BIN1: variants seen among roughly 807,000 people sequenced by gnomAD.
BIN1 encodes the protein bridging integrator 1, also known as myc box-dependent-interacting protein 1.
Under a neutral mutation model 82.0 loss-of-function variants are expected in BIN1, and 53 were observed. The observed-to-expected ratio is 0.65, with a 90% confidence interval of 0.52 to 0.81. The LOEUF is 0.81. Ranked by LOEUF, BIN1 falls within the 40% of genes least tolerant of loss-of-function variation. BIN1 has a pLI of 0.00. For synonymous variants in BIN1, 302 were observed against 328.0 expected, an observed-to-expected ratio of 0.92 and a Z score of 0.86; for missense variants, 642 against 784.4, an observed-to-expected ratio of 0.82 and a Z score of 2.17.
chr2:127,050,249 GGAGA>G (rs1356721659), intron 18 of BIN1, 168 bp downstream of exon 18: 1 of 677,554 alleles, frequency 1.5e-6, no homozygotes, highest in Non-Finnish European at 2.7e-6. Flanking sequence ...GAGAGGAGAG[GGAGA>G]GAGGAAAAAG....
chr2:127,060,480 T>G lies in BIN1; in HGVS notation c.858-1325A>C, dbSNP rs1684294100. Reference sequence around the variant, plus strand: ...ACACGACAGCCCTGCCGGGCAGCACTGCACACAGAGCCAGATTACGGGTTA... The same window carrying G: ...ACACGACAGCCCTGCCGGGCAGCACGGCACACAGAGCCAGATTACGGGTTA... On this transcript the variant is annotated intron_variant, in intron 10 of 18. Coordinates refer to ENST00000316724, the MANE Select transcript of BIN1 (RefSeq NM_139343.3). 2.7e-6 allele frequency: 4 copies of G among 1,495,612 alleles called. No homozygotes were observed. The African/African-American group carries it at 4.1e-5, about 15-fold the overall frequency. 92.6% of individuals were successfully genotyped at this position (1,495,612 alleles called of 1,614,324 possible).
In BIN1 at chr2:127,067,006, G is replaced by A. The variant is rs574835804; in HGVS notation, c.612+1157C>T. On this transcript the variant is annotated intron_variant, in intron 7 of 18. Coordinates refer to ENST00000316724, the MANE Select transcript of BIN1 (RefSeq NM_139343.3). The surrounding 1 kb of genome is among the most constrained non-coding windows in gnomAD (Gnocchi z 4.7). Reference sequence around the variant, plus strand: ...GGATTGCTTGAGTTGGGGAAGTCAAGGCTGCAGTGAGTCATGATCACACCA... The same window carrying A: ...GGATTGCTTGAGTTGGGGAAGTCAAAGCTGCAGTGAGTCATGATCACACCA... Among the ~76,000 whole-genome samples, 3 of 151,716 alleles carry A rather than the reference G, an allele frequency of 2.0e-5. No homozygotes were observed. In the East Asian group the frequency reaches 5.8e-4, roughly 29 times the overall value.
chr2:127,052,541 G>C, intron 14 of BIN1, 179 bp from the exon 15 acceptor site: 1 of 614,624 alleles, frequency 1.6e-6, no homozygotes. Context: ...TCCTACCACT[G>C]TCAAAGGGAC....
chr2:127,059,077 G>A lies in BIN1; in HGVS notation c.936C>T (p.Val312=), dbSNP rs1008858026. ...GSPAATPEIR[V]NHEPEPAGGA... ...CGCCGGCCGGCTCTGGCTCGTGGTTGACTCTGATCTCGGGGGTGGCGGCAG... is the reference window on the plus strand; with the variant it reads ...CGCCGGCCGGCTCTGGCTCGTGGTTAACTCTGATCTCGGGGGTGGCGGCAG... The change falls in exon 11 of 19, where the codon GTC becomes GTT. Residue 312 remains valine, a synonymous_variant. Transcript: ENST00000316724. The surrounding 1 kb of genome is among the most constrained non-coding windows in gnomAD (Gnocchi z 6.7). The A allele has an allele frequency of 7.5e-6, 12 of 1,589,880 alleles. No individual in the cohort carries two copies. In the East Asian group the frequency reaches 2.7e-4, roughly 36 times the overall value.
Position 127,060,713 on chromosome 2 carries a change from C to A in BIN1, c.857+1402G>T, listed in dbSNP as rs376372459. ...AGGTGCAGAACTGGCCTGTCCCCTTCCCTCTTTGCCAACCCTTCTGCTCAG... is the reference window on the plus strand; with the variant it reads ...AGGTGCAGAACTGGCCTGTCCCCTTACCTCTTTGCCAACCCTTCTGCTCAG... On this transcript the variant is annotated intron_variant, in intron 10 of 18. Transcript: ENST00000316724. 105 of 1,580,422 alleles carry A rather than the reference C, an allele frequency of 6.6e-5. No homozygotes were observed. The South Asian group carries it at 1.0e-3, about 16-fold the overall frequency.
chr2:127,083,848 G>A (rs947061655), intron 1 of BIN1, among the ~76,000 whole-genome samples: 2 of 152,134 alleles, frequency 1.3e-5, no homozygotes, highest in Non-Finnish European at 2.9e-5. Context: ...TTGTTTCCTT[G>A]TGAGGAAGTT....
At chr2:127,065,305 C>CG (rs1221883925) in intron 7 of BIN1, among the ~76,000 whole-genome samples, 4 of 147,080 alleles carry the variant, frequency 2.7e-5, no homozygotes, top group African/African-American at 5.0e-5. Context: ...GAATGGGGAG[C>CG]GGGGGGTGGG....
At position 127,057,300 on chromosome 2, in the gene BIN1, A is replaced by T. The variant is rs1406167490; in HGVS notation, c.1131+173T>A. 6.6e-6 allele frequency among the ~76,000 whole-genome samples: 1 copy of T among 152,162 alleles called. No homozygotes were observed. Among genetic ancestry groups the T allele is most frequent in the Non-Finnish European group, 1.5e-5 (1 of 68,018 alleles). ...CTTAGTACATGCTCAGAGATGGGTGATGGAGGATGATGGAGGATGATGGAT... is the reference window on the plus strand; with the variant it reads ...CTTAGTACATGCTCAGAGATGGGTGTTGGAGGATGATGGAGGATGATGGAT... On this transcript the variant is annotated intron_variant, in intron 12 of 18. Transcript: ENST00000316724. This position sits in a 1 kb window ranked among gnomAD's most constrained non-coding sequence, Gnocchi z 5.0.
intron 1 of BIN1, among the ~76,000 whole-genome samples, chr2:127,091,210 C>A (rs565665651): frequency 6.6e-6 from 1 of 152,234 alleles, no homozygotes; most frequent in East Asian, 1.9e-4. Flanking sequence ...GAAGTGCCCA[C>A]TGAGGCACCA....
intron 1 of BIN1, among the ~76,000 whole-genome samples, chr2:127,088,992 G>A (rs1296523570): frequency 1.3e-5 from 2 of 152,114 alleles, no homozygotes; most frequent in Non-Finnish European, 2.9e-5. Context: ...GGGGCAGGGA[G>A]GACCAGGAGG....
At chr2:127,091,277 C>T (rs116629652) in intron 1 of BIN1, among the ~76,000 whole-genome samples, 240 of 152,224 alleles carry the variant, frequency 1.6e-3, no homozygotes, top group African/African-American at 5.7e-3. Context: ...AGCCCCGGGG[C>T]ATTCTCAGGC....
intron 12 of BIN1, among the ~76,000 whole-genome samples, chr2:127,056,940 G>C (rs542013917): frequency 6.6e-6 from 1 of 152,216 alleles, no homozygotes; most frequent in Admixed American, 6.5e-5. Context: ...AGGGCCCGTC[G>C]GGAGAGACCC....
At chr2:127,070,700 C>T in intron 3 of BIN1, 53 bp from the exon 4 acceptor site, 1 of 1,585,992 alleles carries the variant, frequency 6.3e-7, no homozygotes, top group Non-Finnish European at 8.6e-7. Context: ...GCTTGTCCCA[C>T]CCTCCCCAGC....
In BIN1 at chr2:127,059,218, G is replaced by A. The variant is rs1008493987; in HGVS notation, c.858-63C>T. The A allele has an allele frequency of 2.3e-5, 35 of 1,531,358 alleles. 1 individual carries two copies. The Middle Eastern group carries it at 6.7e-4, about 29-fold the overall frequency. 94.9% of individuals were successfully genotyped at this position (1,531,358 alleles called of 1,614,324 possible). ...GGGCCAAGGCACAGGAGACGGAGGG[G>A]CAAATGTATTGACGTCTGTGTGAAG... On this transcript the variant is annotated intron_variant, in intron 10 of 18. Transcript: ENST00000316724. This position sits in a 1 kb window ranked among gnomAD's most constrained non-coding sequence, Gnocchi z 6.7.
intron 7 of BIN1, among the ~76,000 whole-genome samples, 154 bp from the exon 8 acceptor site, chr2:127,064,172 T>C (rs1306367113): frequency 1.3e-5 from 2 of 152,136 alleles, no homozygotes; most frequent in African/African-American, 2.4e-5. Context: ...TGGACACCCA[T>C]GCTGGCGACC....
At chr2:127,069,923 C>A (rs578076705) in intron 5 of BIN1, 72 bp downstream of exon 5, 51 of 1,510,520 alleles carry the variant, frequency 3.4e-5, no homozygotes, top group Non-Finnish European at 1.0e-5. Context: ...CTGAGCCGCA[C>A]GTCCTAGGCC....
chr2:127,051,093 C>A, intron 16 of BIN1, 61 bp downstream of exon 16: 3 of 1,598,988 alleles, frequency 1.9e-6, no homozygotes. Flanking sequence ...CACAGGGGAG[C>A]CCCGGACAGG....
At chr2:127,088,122 G>C (rs903179730) in intron 1 of BIN1, among the ~76,000 whole-genome samples, 35 of 152,360 alleles carry the variant, frequency 2.3e-4, no homozygotes, top group Non-Finnish European at 1.2e-4. Flanking sequence ...TGTAGGGCCT[G>C]GTGGCTGTGG....
intron 2 of BIN1, among the ~76,000 whole-genome samples, chr2:127,074,146 G>C (rs1198504934): frequency 6.6e-6 from 1 of 152,070 alleles, no homozygotes; most frequent in East Asian, 1.9e-4. Context: ...CAGAATCAGA[G>C]GCAAGAAAAA....
Sources: allele counts gnomAD v4.1 joint callset (sites outside exome capture counted in the v4.1 genomes callset), GRCh38; gene constraint gnomAD v4.1.1; non-coding constraint Gnocchi (gnomAD v3.1); transcripts MANE v1.5; gene names NCBI Gene and HGNC (gene_info 2026-07-23, HGNC 2026-07-21).